PRKCH: variants seen among roughly 807,000 people sequenced by gnomAD.
The protein encoded by PRKCH is protein kinase C eta.
Under a neutral mutation model 82.5 loss-of-function variants are expected in PRKCH, and 28 were observed. That is an observed-to-expected ratio of 0.34 (90% CI 0.25 to 0.47). The LOEUF is 0.47. Among genes scored for constraint, PRKCH ranks in the 20% least tolerant of loss-of-function variants. The pLI, the probability that PRKCH is intolerant of heterozygous loss-of-function variation, is 1.00. For synonymous variants in PRKCH, 322 were observed against 327.4 expected, an observed-to-expected ratio of 0.98 and a Z score of 0.18; for missense variants, 705 against 881.8, an observed-to-expected ratio of 0.80 and a Z score of 2.54.
At chr14:61,362,574 T>C (rs867654905) in intron 1 of PRKCH, among the ~76,000 whole-genome samples, 1 of 152,202 alleles carries the variant, frequency 6.6e-6, no homozygotes, top group Admixed American at 6.5e-5. Context: ...TATTACATAT[T>C]TGTAAAAGTT....
At chr14:61,209,437 T>C (rs2044552448) in intron 1 of PRKCH, among the ~76,000 whole-genome samples, 1 of 151,956 alleles carries the variant, frequency 6.6e-6, no homozygotes, top group African/African-American at 2.4e-5. Flanking sequence ...TAAATGTCTG[T>C]TCTTTAAGTC....
At chr14:61,337,215 C>G (rs2045870882) in intron 1 of PRKCH, among the ~76,000 whole-genome samples, 1 of 138,448 alleles carries the variant, frequency 7.2e-6, no homozygotes, top group East Asian at 2.2e-4. Flanking sequence ...GTGAACATGA[C>G]TCACTGCAGT....
At chr14:61,231,990 T>C (rs2044748618) in intron 1 of PRKCH, among the ~76,000 whole-genome samples, 1 of 152,188 alleles carries the variant, frequency 6.6e-6, no homozygotes, top group Admixed American at 6.5e-5. Flanking sequence ...TGACACTCTC[T>C]ACCTGGACAC....
chr14:61,326,922 C>A (rs146130088), intron 1 of PRKCH: 20 of 312,260 alleles, frequency 6.4e-5, no homozygotes, highest in Non-Finnish European at 1.3e-4. Context: ...TGTTTAAACT[C>A]TATTTTCTTC....
At chr14:61,424,898 C>G (rs568729154) in intron 2 of PRKCH, among the ~76,000 whole-genome samples, 3 of 152,354 alleles carry the variant, frequency 2.0e-5, no homozygotes, top group Admixed American at 6.5e-5. Context: ...CCACTCCAGT[C>G]ATGGCTAAAA....
At chr14:61,541,700 A>T (rs572587372) in intron 12 of PRKCH, among the ~76,000 whole-genome samples, 1 of 152,372 alleles carries the variant, frequency 6.6e-6, no homozygotes, top group African/African-American at 2.4e-5. Context: ...TCCTCTTCCT[A>T]TGAAATCAGA....
intron 1 of PRKCH, among the ~76,000 whole-genome samples, chr14:61,269,849 T>G (rs2045136805): frequency 6.6e-6 from 1 of 152,204 alleles, no homozygotes; most frequent in African/African-American, 2.4e-5. Context: ...TCCGTGTCGC[T>G]GCAGTCAGGC....
At chr14:61,471,286 C>A (rs537482655) in intron 9 of PRKCH, among the ~76,000 whole-genome samples, 1 of 152,120 alleles carries the variant, frequency 6.6e-6, no homozygotes, top group Admixed American at 6.5e-5. Context: ...GGGTTCTGGC[C>A]GGTTTGAAGC....
intron 1 of PRKCH, among the ~76,000 whole-genome samples, chr14:61,363,289 C>T (rs1197653030): frequency 2.0e-5 from 3 of 152,046 alleles, no homozygotes; most frequent in Non-Finnish European, 2.9e-5. Flanking sequence ...TGTAAATGGC[C>T]AGATTTTCCT....
chr14:61,446,509 G>A (rs918832879), intron 4 of PRKCH, among the ~76,000 whole-genome samples: 3 of 152,220 alleles, frequency 2.0e-5, no homozygotes, highest in African/African-American at 7.2e-5. Flanking sequence ...GTGTGGATAA[G>A]AAAATCTCAC....
At position 61,280,841 on chromosome 14, in the gene PRKCH, G is replaced by C; in HGVS notation, c.-19+93173G>C. 1 of 1,565,680 alleles carries C rather than the reference G, an allele frequency of 6.4e-7. No individual in the cohort carries two copies. Among genetic ancestry groups the C allele is most frequent in the Non-Finnish European group, 8.6e-7 (1 of 1,164,052 alleles). On this transcript the variant is annotated intron_variant, in intron 1 of 3. Transcript: ENST00000555185. This position sits in a 1 kb window ranked among gnomAD's most constrained non-coding sequence, Gnocchi z 5.0. Reference sequence around the variant, plus strand: ...TAGAGGTACACTGGGCCCTGGAAGAGCTCGGGCAGCGAGAAGTACCAGGCG... The same window carrying C: ...TAGAGGTACACTGGGCCCTGGAAGACCTCGGGCAGCGAGAAGTACCAGGCG...
At chr14:61,313,691 A>G (rs1032447594) in intron 1 of PRKCH, among the ~76,000 whole-genome samples, 1 of 152,204 alleles carries the variant, frequency 6.6e-6, no homozygotes, top group African/African-American at 2.4e-5. Context: ...TCATGGTGGA[A>G]GGCAAGGAGA....
Position 61,280,810 on chromosome 14 carries a change from T to C in PRKCH, c.-19+93142T>C. The C allele has an allele frequency of 6.4e-7, 1 of 1,563,412 alleles. No homozygotes were observed. The highest frequency in any genetic ancestry group is 8.6e-7 in the Non-Finnish European group (1 of 1,163,762). ...GTTGTTCTGGTAGAAGTTGGTCAGC[T>C]CGTAGTAGAGGTACACTGGGCCCTG... is the stretch of plus-strand genomic sequence containing the variant. On this transcript the variant is annotated intron_variant, in intron 1 of 3. Coordinates refer to the PRKCH transcript ENST00000555185. The surrounding 1 kb of genome is among the most constrained non-coding windows in gnomAD (Gnocchi z 5.0).
At chr14:61,412,310 C>G (rs1430900966) in intron 2 of PRKCH, among the ~76,000 whole-genome samples, 1 of 152,128 alleles carries the variant, frequency 6.6e-6, no homozygotes, top group African/African-American at 2.4e-5. Flanking sequence ...CAGAAACATA[C>G]TTGTCTTTAA....
At chr14:61,409,231 G>A (rs557348104) in intron 2 of PRKCH, among the ~76,000 whole-genome samples, 3 of 152,300 alleles carry the variant, frequency 2.0e-5, no homozygotes, top group South Asian at 2.1e-4. Context: ...TGCTCCATGG[G>A]AATGCTGGTA....
intron 12 of PRKCH, among the ~76,000 whole-genome samples, chr14:61,531,221 C>T (rs150775981): frequency 5.1e-4 from 78 of 152,288 alleles, no homozygotes; most frequent in African/African-American, 1.7e-3. Flanking sequence ...TAAACATGTA[C>T]TGGACGCCTT....
intron 1 of PRKCH, among the ~76,000 whole-genome samples, chr14:61,242,019 C>A (rs2044843711): frequency 6.6e-6 from 1 of 151,994 alleles, no homozygotes; most frequent in East Asian, 1.9e-4. Flanking sequence ...AATCTAATAC[C>A]AAAGTTCTAA....
At chr14:61,473,104 A>G (rs1885576195) in intron 9 of PRKCH, among the ~76,000 whole-genome samples, 1 of 152,224 alleles carries the variant, frequency 6.6e-6, no homozygotes, top group East Asian at 1.9e-4. Flanking sequence ...AGGAGGGCAT[A>G]GACTCCCAGA....
intron 1 of PRKCH, among the ~76,000 whole-genome samples, chr14:61,252,552 T>C (rs1012619751): frequency 2.0e-5 from 3 of 152,182 alleles, no homozygotes; most frequent in Non-Finnish European, 2.9e-5. Context: ...TGGGATGAGA[T>C]ATCTGGCTGA....
Sources: allele counts gnomAD v4.1 joint callset (sites outside exome capture counted in the v4.1 genomes callset), GRCh38; gene constraint gnomAD v4.1.1; non-coding constraint Gnocchi (gnomAD v3.1); transcripts MANE v1.5; gene names NCBI Gene and HGNC (gene_info 2026-07-23, HGNC 2026-07-21).